Variants in CTNNAL1 observed in about 807,000 individuals in gnomAD.
The protein encoded by CTNNAL1 is catenin alpha like 1, also known as alpha-catulin.
A neutral mutation model predicts 93.6 loss-of-function variants in CTNNAL1; 69 were observed. The ratio of observed to expected loss-of-function variants is 0.74; its 90% CI spans 0.61 to 0.90. The LOEUF is 0.90. Among genes scored for constraint, CTNNAL1 ranks in the 40% least tolerant of loss-of-function variants. The pLI is 0.00. For synonymous variants in CTNNAL1, 286 were observed against 305.4 expected (o/e 0.94, Z 0.66); for missense variants, 836 against 862.0 (o/e 0.97, Z 0.38).
At chr9:108,958,393 GCTA>G (rs903662673) in intron 11 of CTNNAL1, among the ~76,000 whole-genome samples, 2 of 152,122 alleles carry the variant, frequency 1.3e-5, no homozygotes, top group African/African-American at 2.4e-5. Context: ...AACCTGATTT[GCTA>G]CTATTTTCAT....
intron 4 of CTNNAL1, among the ~76,000 whole-genome samples, chr9:108,990,500 T>C (rs1300033211): frequency 6.6e-6 from 1 of 152,172 alleles, no homozygotes; most frequent in Non-Finnish European, 1.5e-5. Context: ...AAGTATGACC[T>C]TTCCCAGTGT....
At chr9:109,008,476 A>T (rs555355455) in intron 1 of CTNNAL1, among the ~76,000 whole-genome samples, 1 of 152,230 alleles carries the variant, frequency 6.6e-6, no homozygotes, top group East Asian at 1.9e-4. Context: ...GGTGTGTAGG[A>T]GTTTCTCTAG....
intron 4 of CTNNAL1, among the ~76,000 whole-genome samples, chr9:108,985,426 A>T (rs760243672): frequency 2.6e-5 from 4 of 152,240 alleles, no homozygotes; most frequent in Admixed American, 2.0e-4. Flanking sequence ...CTTCTTACAA[A>T]TAAGTAAAAC....
chr9:108,984,547 T>TAA, intron 4 of CTNNAL1, 111 bp from the exon 5 acceptor site: 7 of 435,096 alleles, frequency 1.6e-5, no homozygotes, highest in South Asian at 9.9e-5. Flanking sequence ...CATTGTTAAG[T>TAA]GAAAAAAAAA....
intron 14 of CTNNAL1, among the ~76,000 whole-genome samples, chr9:108,949,361 C>A (rs1233574350): frequency 6.6e-6 from 1 of 152,124 alleles, no homozygotes; most frequent in African/African-American, 2.4e-5. Context: ...ACTGAGCATG[C>A]CATCCTGAAA....
chr9:108,985,471 AT>A (rs1470779908), intron 4 of CTNNAL1, among the ~76,000 whole-genome samples: 1 of 152,238 alleles, frequency 6.6e-6, no homozygotes, highest in Non-Finnish European at 1.5e-5. Flanking sequence ...TTGAAAGTAA[AT>A]TTGCTTGAAT....
At position 108,993,955 on chromosome 9, in the gene CTNNAL1, C is replaced by T. The variant is rs573777792; in HGVS notation, c.332-1136G>A. ...GGTTTGGAAAGATCAGTCTGGCAGG[C>T]ACAGTGGCTCACACCTGTAATCCTA... On this transcript the variant is annotated intron_variant, in intron 2 of 18. Coordinates refer to ENST00000325551, the MANE Select transcript of CTNNAL1 (RefSeq NM_003798.4). Among the ~76,000 whole-genome samples the T allele has an allele frequency of 4.6e-5, 7 of 152,270 alleles. No homozygotes were observed. In the East Asian group the frequency reaches 1.4e-3, roughly 29 times the overall value.
chr9:109,010,948 A>G (rs1242089140), intron 1 of CTNNAL1, among the ~76,000 whole-genome samples: 6 of 152,232 alleles, frequency 3.9e-5, no homozygotes, highest in Admixed American at 3.3e-4. Context: ...TGTTCTATAC[A>G]TGACCTATCT....
intron 10 of CTNNAL1, among the ~76,000 whole-genome samples, chr9:108,969,037 CGAG>C (rs1831035444): frequency 6.6e-6 from 1 of 151,944 alleles, no homozygotes; most frequent in Non-Finnish European, 1.5e-5. Flanking sequence ...TTTGGGAGGC[CGAG>C]GCGGGGGGAT....
In CTNNAL1 at chr9:108,955,802, A is replaced by G; in HGVS notation, c.1617T>C (p.Leu539=). 6.2e-7 allele frequency: 1 copy of G among 1,601,994 alleles called. No homozygotes were observed. The highest frequency in any genetic ancestry group is 8.5e-7 in the Non-Finnish European group (1 of 1,174,370). ...RRGEKYGYLS[L]PKPMKNNANL... is the part of the protein sequence containing the mutation. ...TTCTTCTACTTACCATTGGCTTTGG[A>G]AGTGAAAGGTAGCCATACTTCTCTC... The change falls in exon 12 of 19, where the codon CTT becomes CTC. Residue 539 remains leucine, a synonymous_variant. Transcript: ENST00000325551.
At chr9:108,983,491 T>C (rs1831502305) in intron 5 of CTNNAL1, among the ~76,000 whole-genome samples, 176 bp from the exon 6 acceptor site, 1 of 152,196 alleles carries the variant, frequency 6.6e-6, no homozygotes, top group Non-Finnish European at 1.5e-5. Flanking sequence ...TAAAAAGCGA[T>C]AGCAAGGTTA....
intron 15 of CTNNAL1, among the ~76,000 whole-genome samples, chr9:108,947,806 C>T (rs1830448985): frequency 6.6e-6 from 1 of 152,192 alleles, no homozygotes; most frequent in South Asian, 2.1e-4. Flanking sequence ...TGTGTTATCT[C>T]ATTTAATCAA....
At chr9:109,002,276 A>G (rs1313434246) in intron 1 of CTNNAL1, among the ~76,000 whole-genome samples, 1 of 152,158 alleles carries the variant, frequency 6.6e-6, no homozygotes, top group Non-Finnish European at 1.5e-5. Context: ...CTTTTATAAG[A>G]ACACTGATCC....
At chr9:108,992,076 G>A in intron 3 of CTNNAL1, 1 of 766,824 alleles carries the variant, frequency 1.3e-6, no homozygotes, top group Non-Finnish European at 2.4e-6. Context: ...CTCTGATTTG[G>A]GAGGGAAAAA....
chr9:109,013,429 G>A lies in CTNNAL1; in HGVS notation c.14C>T (p.Pro5Leu), dbSNP rs1013189267. 3.4e-6 allele frequency: 5 copies of A among 1,478,844 alleles called. No homozygotes were observed. The highest frequency in any genetic ancestry group is 4.5e-6 in the Non-Finnish European group (5 of 1,113,142). 91.6% of individuals were successfully genotyped at this position (1,478,844 alleles called of 1,614,324 possible). A position where few individuals can be genotyped will look rare whatever the true frequency, so the allele number is the denominator to read the frequency against. ...GGCGCCGCCAACGCCGGCGGGTCCG[G>A]GAGAGGCGGCCATGGCCCTCGGTCT... MAAS[P>L]GPAGVGGAGA... Residue 5 changes from proline to leucine, a missense_variant, in exon 1 of 19, where the codon CCC becomes CTC. Coordinates refer to ENST00000325551, the MANE Select transcript of CTNNAL1 (RefSeq NM_003798.4).
At chr9:109,010,024 ATT>A (rs796510075) in intron 1 of CTNNAL1, among the ~76,000 whole-genome samples, 1 of 150,722 alleles carries the variant, frequency 6.6e-6, no homozygotes, top group East Asian at 1.9e-4. Flanking sequence ...TACTTTTTCT[ATT>A]TTTTTTTATT....
Position 108,955,793 on chromosome 9 carries a change from T to G in CTNNAL1, c.1626A>C (p.Pro542=), listed in dbSNP as rs760661263. 2.5e-6 allele frequency: 4 copies of G among 1,602,212 alleles called. No homozygotes were observed. In the African/African-American group the frequency reaches 5.4e-5, roughly 22 times the overall value. The change falls in exon 12 of 19, where the codon CCA becomes CCC. Residue 542 remains proline (P), a synonymous_variant. Transcript: ENST00000325551. The part of the protein sequence containing the change: ...EKYGYLSLPK[P]MKNNANLKSL... Reference sequence around the variant, plus strand: ...TGTACATAATTCTTCTACTTACCATTGGCTTTGGAAGTGAAAGGTAGCCAT... The same window carrying G: ...TGTACATAATTCTTCTACTTACCATGGGCTTTGGAAGTGAAAGGTAGCCAT...
intron 3 of CTNNAL1, chr9:108,991,910 G>A: frequency 1.6e-6 from 1 of 628,394 alleles, no homozygotes; most frequent in Non-Finnish European, 2.9e-6. Flanking sequence ...ACCATCATCT[G>A]AGAGATTAAC....
chr9:108,954,717 A>G (rs1229428426), intron 12 of CTNNAL1, among the ~76,000 whole-genome samples: 3 of 152,144 alleles, frequency 2.0e-5, no homozygotes, highest in Admixed American at 6.5e-5. Flanking sequence ...TTCAGTTCCT[A>G]ATGTTGTATT....
Sources: gnomAD v4.1 joint callset for allele counts (sites outside exome capture counted in the v4.1 genomes callset) on GRCh38, gnomAD v4.1.1 for gene constraint, MANE v1.5 for transcripts, NCBI Gene and HGNC (gene_info 2026-07-23, HGNC 2026-07-21) for gene names.